BTBD8: variants seen among roughly 807,000 people sequenced by gnomAD.
BTBD8 encodes the protein BTB/POZ domain-containing protein 8.
Under a neutral mutation model 162.9 loss-of-function variants are expected in BTBD8, and 110 were observed. The observed-to-expected ratio is 0.68, with a 90% CI of 0.58 to 0.79. The LOEUF (loss-of-function observed/expected upper bound fraction) is 0.79, where lower values mean the gene tolerates loss of function less well. Among genes scored for constraint, BTBD8 ranks in the 30% least tolerant of loss-of-function variants. The pLI is 0.00. For synonymous variants in BTBD8, 667 were observed against 716.1 expected, an observed-to-expected ratio of 0.93 and a Z score of 1.10; for missense variants, 1,905 against 2,085.4, an observed-to-expected ratio of 0.91 and a Z score of 1.68.
intron 9 of BTBD8, among the ~76,000 whole-genome samples, chr1:92,156,324 G>T (rs532159567): frequency 6.6e-6 from 1 of 152,308 alleles, no homozygotes; most frequent in East Asian, 1.9e-4. Flanking sequence ...CAGTGTGCCA[G>T]TGCTTTGTTG....
At chr1:92,082,120 T>C (rs1183668817) in intron 1 of BTBD8, among the ~76,000 whole-genome samples, 1 of 152,172 alleles carries the variant, frequency 6.6e-6, no homozygotes, top group Non-Finnish European at 1.5e-5. Flanking sequence ...AAAGTATTGC[T>C]AGTGAACAAT....
chr1:92,174,617 T>TA (rs1382847694), intron 13 of BTBD8, among the ~76,000 whole-genome samples: 1 of 109,950 alleles, frequency 9.1e-6, no homozygotes, highest in Non-Finnish European at 1.9e-5. Flanking sequence ...GTATTAAAAA[T>TA]AGAGAAATGT....
intron 11 of BTBD8, among the ~76,000 whole-genome samples, chr1:92,168,318 A>G (rs1570754563): frequency 7.2e-5 from 1 of 13,802 alleles, no homozygotes; most frequent in Non-Finnish European, 1.2e-4. Flanking sequence ...TAGATATAAA[A>G]TGTATATTTT....
chr1:92,113,559 A>G (rs955662085), intron 4 of BTBD8, among the ~76,000 whole-genome samples: 3 of 152,196 alleles, frequency 2.0e-5, no homozygotes, highest in Non-Finnish European at 4.4e-5. Flanking sequence ...AAAGGCACCC[A>G]TCAGAGAAGC....
chr1:92,135,789 A>C (rs1649619594), intron 5 of BTBD8, among the ~76,000 whole-genome samples: 1 of 152,192 alleles, frequency 6.6e-6, no homozygotes, highest in African/African-American at 2.4e-5. Context: ...TGTTTATTTT[A>C]ATATGACTTA....
At chr1:92,143,000 A>G (rs1649813272) in intron 7 of BTBD8, among the ~76,000 whole-genome samples, 1 of 152,224 alleles carries the variant, frequency 6.6e-6, no homozygotes, top group Non-Finnish European at 1.5e-5. Flanking sequence ...CCATAAATCT[A>G]GTCAGCAATG....
chr1:92,091,450 C>CGT (rs138017815), intron 2 of BTBD8, among the ~76,000 whole-genome samples: 3,742 of 151,124 alleles, frequency 0.025, 64 homozygotes, highest in Middle Eastern at 0.045. Flanking sequence ...CTAATACACT[C>CGT]GTGTGTGTGT....
rs569566028 is a variant in BTBD8, at chr1:92,137,003, T to A, written c.753-2347T>A. On this transcript the variant is annotated intron_variant, in intron 5 of 17. Coordinates refer to ENST00000636805, the MANE Select transcript of BTBD8 (RefSeq NM_001376131.1). Reference sequence around the variant, plus strand: ...CAGGGATAAAAAGCCACATGTCTTGTGTCTGAAAGATAAAATAAGTGGAGA... The same window carrying A: ...CAGGGATAAAAAGCCACATGTCTTGAGTCTGAAAGATAAAATAAGTGGAGA... Among the ~76,000 whole-genome samples the A allele has an allele frequency of 1.1e-4, 16 of 152,330 alleles. No homozygotes were observed. In the South Asian group the frequency reaches 3.1e-3, roughly 30 times the overall value.
At chr1:92,149,092 A>T (rs920697432) in intron 9 of BTBD8, among the ~76,000 whole-genome samples, 3 of 152,218 alleles carry the variant, frequency 2.0e-5, no homozygotes, top group Admixed American at 6.5e-5. Flanking sequence ...AGAAAAAGGT[A>T]TGTAAAAATA....
rs374624737 is a variant in BTBD8, at chr1:92,088,752, G to A, written c.204G>A (p.Leu68=). 11 of 1,612,600 alleles carry A rather than the reference G, an allele frequency of 6.8e-6. No homozygotes were observed. In the African/African-American group the frequency reaches 1.2e-4, roughly 18 times the overall value. ...TTACCTTCTCTGTGGGTTGTACTTTGTTCAAAGCACACAAAGCAGTCCTTT... is the reference window on the plus strand; with the variant it reads ...TTACCTTCTCTGTGGGTTGTACTTTATTCAAAGCACACAAAGCAGTCCTTT... ...TDVTFSVGCT[L]FKAHKAVLLA... The change falls in exon 2 of 18, where the codon TTG becomes TTA. Residue 68 remains leucine, a synonymous_variant. Transcript: ENST00000636805.
intron 4 of BTBD8, among the ~76,000 whole-genome samples, chr1:92,120,912 A>T (rs1034266214): frequency 6.6e-6 from 1 of 152,162 alleles, no homozygotes; most frequent in Non-Finnish European, 1.5e-5. Flanking sequence ...ATAGACGTGC[A>T]CCACCAAGCA....
At position 92,178,391 on chromosome 1, in the gene BTBD8, G is replaced by A. The variant is rs1570760838; in HGVS notation, c.2521G>A (p.Gly841Arg). ...TTTGAAGAAAAGAGGAACTAGCAAT[G>A]GATGTACTGCAGCTCAGCAGAGGAC... is the stretch of plus-strand genomic sequence containing the variant. Reference protein sequence around the residue: ...AILKKRGTSNGCTAAQQRTKS... With the variant: ...AILKKRGTSNRCTAAQQRTKS... The change falls in exon 16 of 18, where the codon GGA becomes AGA. Residue 841 changes from glycine (G) to arginine (R), a missense_variant. Gly to Arg is a moderately radical substitution (Grantham distance 125, BLOSUM62 -2). Coordinates refer to ENST00000636805, the MANE Select transcript of BTBD8 (RefSeq NM_001376131.1). The A allele has an allele frequency of 1.3e-6, 2 of 1,551,362 alleles. No individual in the cohort carries two copies. Among genetic ancestry groups the A allele is most frequent in the East Asian group, 4.9e-5 (2 of 40,896 alleles).
At chr1:92,136,482 G>C (rs1649638043) in intron 5 of BTBD8, among the ~76,000 whole-genome samples, 1 of 151,960 alleles carries the variant, frequency 6.6e-6, no homozygotes, top group Admixed American at 6.6e-5. Context: ...GCACTGTCCA[G>C]ATCATGATTC....
At chr1:92,177,962 A>G in intron 15 of BTBD8, 64 bp downstream of exon 15, 1 of 695,588 alleles carries the variant, frequency 1.4e-6, no homozygotes, top group South Asian at 2.2e-5. Context: ...TTATATACTA[A>G]CTGCTAGCTA....
At chr1:92,125,271 G>T (rs1311922238) in intron 4 of BTBD8, 2 of 167,964 alleles carry the variant, frequency 1.2e-5, no homozygotes, top group Non-Finnish European at 2.6e-5. Flanking sequence ...AAGAATAGAG[G>T]GGACCTGAGA....
intron 13 of BTBD8, among the ~76,000 whole-genome samples, chr1:92,174,124 A>C (rs567733142): frequency 6.6e-6 from 1 of 152,294 alleles, no homozygotes; most frequent in South Asian, 2.1e-4. Context: ...TGAATTAATA[A>C]TTTTTAGAGC....
At chr1:92,179,412 C>G (rs1352129549) in intron 16 of BTBD8, among the ~76,000 whole-genome samples, 2 of 151,956 alleles carry the variant, frequency 1.3e-5, no homozygotes, top group Admixed American at 1.3e-4. Flanking sequence ...AAAATAATAA[C>G]CAATTTTCAA....
At chr1:92,130,832 AGC>A (rs1347118476) in intron 5 of BTBD8, among the ~76,000 whole-genome samples, 2 of 152,088 alleles carry the variant, frequency 1.3e-5, no homozygotes, top group Non-Finnish European at 2.9e-5. Flanking sequence ...CCTCCTGAGT[AGC>A]TGGGATTACA....
intron 5 of BTBD8, among the ~76,000 whole-genome samples, chr1:92,138,813 G>A (rs1441330718): frequency 6.6e-6 from 1 of 152,138 alleles, no homozygotes; most frequent in Non-Finnish European, 1.5e-5. Context: ...TTTGAGATAT[G>A]GCACTCAATT....
Sources: gnomAD v4.1 joint callset for allele counts (sites outside exome capture counted in the v4.1 genomes callset) on GRCh38, gnomAD v4.1.1 for gene constraint, MANE v1.5 for transcripts, NCBI Gene and HGNC (gene_info 2026-07-23, HGNC 2026-07-21) for gene names.